The following CNTN5 variants were observed in gnomAD, a reference collection of about 807,000 sequenced individuals.
CNTN5 encodes the protein contactin 5.
A neutral mutation model predicts 129.1 loss-of-function variants in CNTN5; 77 were observed. The ratio of observed to expected loss-of-function variants is 0.60; its 90% CI spans 0.50 to 0.72. CNTN5 has a LOEUF of 0.72. CNTN5 is among the 30% of genes least tolerant of loss of function. The pLI is 0.00. For synonymous variants in CNTN5, 509 were observed against 465.6 expected (o/e 1.09, Z -1.20); for missense variants, 1,478 against 1,328.8 (o/e 1.11, Z -1.75).
chr11:99,449,073 C>T (rs1157544887), intron 2 of CNTN5, among the ~76,000 whole-genome samples: 1 of 152,074 alleles, frequency 6.6e-6, no homozygotes, highest in Non-Finnish European at 1.5e-5. Flanking sequence ...TGAGCCACTG[C>T]ACCCAGTCTA....
chr11:99,447,354 A>C (rs539131450), intron 2 of CNTN5, among the ~76,000 whole-genome samples: 2 of 152,270 alleles, frequency 1.3e-5, no homozygotes, highest in African/African-American at 4.8e-5. Context: ...ACTTCTTGCC[A>C]GTTTGTCTCA....
chr11:99,432,232 A>G (rs1265950171), intron 2 of CNTN5, among the ~76,000 whole-genome samples: 1 of 152,180 alleles, frequency 6.6e-6, no homozygotes, highest in African/African-American at 2.4e-5. Context: ...ACTGAAAACT[A>G]CATGTGTCAT....
intron 8 of CNTN5, among the ~76,000 whole-genome samples, chr11:99,982,027 A>C (rs1714232888): frequency 6.6e-6 from 1 of 152,240 alleles, no homozygotes; most frequent in African/African-American, 2.4e-5. Context: ...GTAATTATAT[A>C]CAGCTAAACA....
intron 3 of CNTN5, among the ~76,000 whole-genome samples, chr11:99,811,013 T>C (rs1288301394): frequency 6.6e-6 from 1 of 152,138 alleles, no homozygotes; most frequent in Non-Finnish European, 1.5e-5. Context: ...ATAATTTATT[T>C]ATATTTTTAC....
intron 2 of CNTN5, among the ~76,000 whole-genome samples, chr11:99,504,543 A>AAG (rs1223223650): frequency 2.0e-5 from 3 of 151,356 alleles, no homozygotes; most frequent in Admixed American, 6.6e-5. Flanking sequence ...AAAAAAAAAA[A>AAG]AAAAGAAAGA....
intron 2 of CNTN5, among the ~76,000 whole-genome samples, chr11:99,450,926 G>T (rs1054960314): frequency 6.6e-6 from 1 of 151,904 alleles, no homozygotes; most frequent in Non-Finnish European, 1.5e-5. Flanking sequence ...TAAATAATAA[G>T]AATTATTCTA....
chr11:99,415,948 A>G (rs1233685662), intron 2 of CNTN5, among the ~76,000 whole-genome samples: 1 of 152,162 alleles, frequency 6.6e-6, no homozygotes, highest in Non-Finnish European at 1.5e-5. Flanking sequence ...GTGTTTATTT[A>G]TTTCAAAAAC....
intron 7 of CNTN5, 129 bp downstream of exon 7, chr11:99,916,278 G>C (rs1285064203): frequency 1.4e-5 from 9 of 632,464 alleles, no homozygotes; most frequent in Admixed American, 5.2e-5. Context: ...ATCTATCAGA[G>C]TGCCAGATGA....
chr11:99,243,877 A>G (rs1188629294), intron 1 of CNTN5, among the ~76,000 whole-genome samples: 1 of 150,918 alleles, frequency 6.6e-6, no homozygotes, highest in Non-Finnish European at 1.5e-5. Flanking sequence ...GCTTTACAGT[A>G]TTCTTTGAAA....
At chr11:100,049,867 T>C (rs941167439) in intron 9 of CNTN5, among the ~76,000 whole-genome samples, 11 of 151,912 alleles carry the variant, frequency 7.2e-5, no homozygotes, top group African/African-American at 2.7e-4. Flanking sequence ...AAAAAACACA[T>C]GAAAAAATGC....
intron 2 of CNTN5, among the ~76,000 whole-genome samples, chr11:99,332,253 A>G (rs1591533705): frequency 1.3e-5 from 2 of 151,978 alleles, no homozygotes; most frequent in African/African-American, 2.4e-5. Context: ...AAATTATTCC[A>G]CTTTTCATGT....
chr11:99,073,350 A>ACTGGTATG (rs929374097), intron 1 of CNTN5, among the ~76,000 whole-genome samples: 21 of 128,888 alleles, frequency 1.6e-4, no homozygotes, highest in Non-Finnish European at 5.0e-5. Flanking sequence ...GTTATATTTG[A>ACTGGTATG]CTGGTATGTC....
At chr11:99,570,201 A>G (rs1791490577) in intron 3 of CNTN5, among the ~76,000 whole-genome samples, 2 of 152,042 alleles carry the variant, frequency 1.3e-5, no homozygotes, top group South Asian at 4.1e-4. Flanking sequence ...TCTCTATGGT[A>G]ATTCAGAGAT....
At chr11:99,152,907 G>C (rs953263169) in intron 1 of CNTN5, among the ~76,000 whole-genome samples, 1 of 152,156 alleles carries the variant, frequency 6.6e-6, no homozygotes, top group Non-Finnish European at 1.5e-5. Context: ...ATGAAGCTTA[G>C]TATGGCTGGA....
intron 13 of CNTN5, among the ~76,000 whole-genome samples, chr11:100,162,099 T>C (rs75842165): frequency 0.027 from 4,158 of 151,900 alleles, 191 homozygotes; most frequent in African/African-American, 0.092. Context: ...TCCAGACTCC[T>C]TGGACTCTCA....
chr11:99,787,014 AT>A (rs1240281075), intron 3 of CNTN5, among the ~76,000 whole-genome samples: 1 of 152,092 alleles, frequency 6.6e-6, no homozygotes, highest in African/African-American at 2.4e-5. Flanking sequence ...TGATTCGGTG[AT>A]TATTGGCAAG....
intron 16 of CNTN5, among the ~76,000 whole-genome samples, chr11:100,230,544 T>TA (rs2138646792): frequency 6.6e-6 from 1 of 152,344 alleles, no homozygotes; most frequent in East Asian, 1.9e-4. Context: ...AAATAATAGT[T>TA]ACCTGAAGTG....
chr11:99,551,771 T>C (rs1210582101), intron 2 of CNTN5, among the ~76,000 whole-genome samples: 1 of 152,160 alleles, frequency 6.6e-6, no homozygotes, highest in East Asian at 1.9e-4. Context: ...TAAGTATTTG[T>C]GTATCTAAAC....
intron 2 of CNTN5, among the ~76,000 whole-genome samples, chr11:99,422,870 A>G (rs371276702): frequency 5.5e-4 from 83 of 151,846 alleles, no homozygotes; most frequent in African/African-American, 2.0e-3. Flanking sequence ...TAATAAGTGC[A>G]TCTTCTAAAC....
Sources: gnomAD v4.1 joint callset for allele counts (sites outside exome capture counted in the v4.1 genomes callset) on GRCh38, gnomAD v4.1.1 for gene constraint, MANE v1.5 for transcripts, NCBI Gene and HGNC (gene_info 2026-07-23, HGNC 2026-07-21) for gene names.